The following ATG7 variants were observed in gnomAD, a reference collection of about 807,000 sequenced individuals.
ATG7 encodes autophagy related 7.
In ATG7, 70 loss-of-function variants were observed where a neutral mutation model predicts 82.4. The observed-to-expected ratio is 0.85, with a 90% confidence interval of 0.70 to 1.04. ATG7 has a LOEUF of 1.04. Among genes scored for constraint, ATG7 ranks in the 50% least tolerant of loss-of-function variants. The pLI, the probability that ATG7 is intolerant of heterozygous loss-of-function variation, is 0.00. For synonymous variants in ATG7, 287 were observed against 313.0 expected, an observed-to-expected ratio of 0.92 and a Z score of 0.88; for missense variants, 792 against 864.3, an observed-to-expected ratio of 0.92 and a Z score of 1.05.
chr3:11,300,478 T>C (rs1297724412), intron 5 of ATG7, among the ~76,000 whole-genome samples: 1 of 152,078 alleles, frequency 6.6e-6, no homozygotes, highest in East Asian at 1.9e-4. Flanking sequence ...TCTACAGAAA[T>C]AGAGAAACCA....
intron 20 of ATG7, among the ~76,000 whole-genome samples, chr3:11,448,250 C>T (rs1330606965): frequency 1.3e-5 from 2 of 152,226 alleles, no homozygotes; most frequent in African/African-American, 4.8e-5. Context: ...ACAGTGCCTC[C>T]TCCTTTCTCC....
chr3:11,489,296 T>G (rs1286337786), intron 20 of ATG7, among the ~76,000 whole-genome samples: 2 of 152,200 alleles, frequency 1.3e-5, no homozygotes, highest in Non-Finnish European at 2.9e-5. Flanking sequence ...TCTGATGGTA[T>G]TTTGTATTTC....
intron 20 of ATG7, among the ~76,000 whole-genome samples, chr3:11,510,555 C>T (rs2092001126): frequency 1.3e-5 from 2 of 151,658 alleles, no homozygotes; most frequent in African/African-American, 2.4e-5. Context: ...GCTGTCCCCT[C>T]GCTCTTTGTG....
the ATG7 span, among the ~76,000 whole-genome samples, chr3:11,564,031 G>A: frequency 4.6e-5 from 7 of 152,144 alleles, no homozygotes; most frequent in Non-Finnish European, 8.8e-5. Context: ...CTCGGGGCAC[G>A]GCACCATCCT....
At chr3:11,417,551 A>G (rs900934186) in intron 19 of ATG7, among the ~76,000 whole-genome samples, 1 of 152,024 alleles carries the variant, frequency 6.6e-6, no homozygotes, top group East Asian at 1.9e-4. Context: ...TAATGAATAA[A>G]TGTCTTTATT....
chr3:11,330,389 A>C (rs1199910775), intron 9 of ATG7, among the ~76,000 whole-genome samples: 3 of 152,062 alleles, frequency 2.0e-5, no homozygotes. Context: ...CTTATTTTAT[A>C]CTTTGGGTTA....
intron 9 of ATG7, among the ~76,000 whole-genome samples, chr3:11,321,715 C>A (rs1437971642): frequency 6.6e-6 from 1 of 152,144 alleles, no homozygotes; most frequent in East Asian, 1.9e-4. Flanking sequence ...GCCTCAGTTT[C>A]CTCAGTGTGT....
At chr3:11,451,886 G>GAC (rs34995509) in intron 20 of ATG7, among the ~76,000 whole-genome samples, 32,425 of 145,278 alleles carry the variant, frequency 0.22, 3,965 homozygotes, top group South Asian at 0.36. Flanking sequence ...CACACACACA[G>GAC]ACACACACAC....
intron 9 of ATG7, among the ~76,000 whole-genome samples, 168 bp from the exon 10 acceptor site, chr3:11,331,172 A>G (rs2152753476): frequency 6.6e-6 from 1 of 152,316 alleles, no homozygotes; most frequent in South Asian, 2.1e-4. Context: ...TCTGTAGTGC[A>G]GTGTGAGATC....
chr3:11,475,908 C>CACA (rs59230356), intron 20 of ATG7, among the ~76,000 whole-genome samples: 1 of 145,556 alleles, frequency 6.9e-6, no homozygotes, highest in Non-Finnish European at 1.5e-5. Flanking sequence ...CACACACACA[C>CACA]CCCCTCCCAG....
At chr3:11,313,513 G>T in intron 8 of ATG7, 93 bp downstream of exon 8, 1 of 831,360 alleles carries the variant, frequency 1.2e-6, no homozygotes, top group Admixed American at 2.7e-5. Flanking sequence ...GCACTTCTCT[G>T]GATGAAGACG....
At chr3:11,483,544 T>C (rs1463722364) in intron 20 of ATG7, among the ~76,000 whole-genome samples, 4 of 152,220 alleles carry the variant, frequency 2.6e-5, no homozygotes, top group African/African-American at 9.7e-5. Context: ...GCATGTTGAA[T>C]TGTCAGTGGC....
At chr3:11,293,846 G>T (rs868282848) in intron 3 of ATG7, among the ~76,000 whole-genome samples, 59 of 150,126 alleles carry the variant, frequency 3.9e-4, no homozygotes, top group Admixed American at 1.3e-3. Context: ...GCAAGACTCC[G>T]TATCGAGAGA....
intron 7 of ATG7, 58 bp from the exon 8 acceptor site, chr3:11,313,246 C>T (rs1948935228): frequency 1.3e-5 from 14 of 1,109,834 alleles, no homozygotes; most frequent in Non-Finnish European, 1.7e-5. Context: ...TTAATAGATG[C>T]ATTTCACCTT....
Position 11,315,327 on chromosome 3 carries a change from G to T in ATG7, c.529-17G>T. On this transcript the variant is annotated splice_polypyrimidine_tract_variant and intron_variant, in intron 8 of 20. Coordinates refer to ENST00000693202, the MANE Select transcript of ATG7 (RefSeq NM_001349232.2). ...ATGTAATTTTCTAGAGAATAACAAC[G>T]TGTTTTCTGTTTTCAGATTGAAGCA... The T allele has an allele frequency of 6.5e-7, 1 of 1,533,450 alleles. No homozygotes were observed. The highest frequency in any genetic ancestry group is 1.2e-5 in the South Asian group (1 of 80,186). 95.0% of individuals were successfully genotyped at this position (1,533,450 alleles called of 1,614,324 possible). A position where few individuals can be genotyped will look rare whatever the true frequency, so the allele number is the denominator to read the frequency against.
At chr3:11,368,101 G>T (rs2076745139) in intron 18 of ATG7, among the ~76,000 whole-genome samples, 1 of 151,842 alleles carries the variant, frequency 6.6e-6, no homozygotes, top group Non-Finnish European at 1.5e-5. Flanking sequence ...GTCTGATTTT[G>T]AACTTCTGTA....
chr3:11,315,404 CCTTA>C lies in ATG7; in HGVS notation c.593_596del (p.Tyr198SerfsTer2). ...TCAAACAGAAGGAGTCACAGCTCTTCCTTACTTCTTAATCAAGTATGATGAGAAC... is the reference window on the plus strand; with the variant it reads ...TCAAACAGAAGGAGTCACAGCTCTTCCTTCTTAATCAAGTATGATGAGAAC... On this transcript the variant is annotated frameshift_variant, in exon 9 of 21. Coordinates refer to ENST00000693202, the MANE Select transcript of ATG7 (RefSeq NM_001349232.2). LOFTEE classifies it high-confidence loss of function. 4 of 1,612,066 alleles carry C rather than the reference CCTTA, an allele frequency of 2.5e-6. No homozygotes were observed. The highest frequency in any genetic ancestry group is 3.4e-6 in the Non-Finnish European group (4 of 1,178,984).
chr3:11,455,269 A>G (rs2085592721), intron 20 of ATG7, among the ~76,000 whole-genome samples: 1 of 152,206 alleles, frequency 6.6e-6, no homozygotes, highest in South Asian at 2.1e-4. Context: ...CTACAGTAGT[A>G]AAGTCCTAAA....
chr3:11,330,776 TCACTGA>T (rs1951533332), intron 9 of ATG7, among the ~76,000 whole-genome samples: 1 of 152,232 alleles, frequency 6.6e-6, no homozygotes, highest in Non-Finnish European at 1.5e-5. Flanking sequence ...GCAGAAGTCT[TCACTGA>T]AGAAACGGTA....
Sources: allele counts gnomAD v4.1 joint callset (sites outside exome capture counted in the v4.1 genomes callset), GRCh38; gene constraint gnomAD v4.1.1; transcripts MANE v1.5; gene names NCBI Gene and HGNC (gene_info 2026-07-23, HGNC 2026-07-21).